The following RGS8 variants were observed in gnomAD, a reference collection of about 807,000 sequenced individuals.
The protein encoded by RGS8 is regulator of G protein signaling 8, also known as regulator of G-protein signaling 8.
A neutral mutation model predicts 21.7 loss-of-function variants in RGS8; 8 were observed. That is an observed-to-expected ratio of 0.37 (90% CI 0.22 to 0.66). The LOEUF is 0.66. Ranked by LOEUF, RGS8 falls within the 30% of genes least tolerant of loss-of-function variation. RGS8 has a pLI of 0.59. For missense variants in RGS8, 157 were observed against 217.9 expected, an observed-to-expected ratio of 0.72 and a Z score of 1.76; for synonymous variants, 80 against 83.6, an observed-to-expected ratio of 0.96 and a Z score of 0.24.
chr1:182,646,994 T>C, intron 6 of RGS8, 77 bp from the exon 8 acceptor site: 1 of 1,193,026 alleles, frequency 8.4e-7, no homozygotes, highest in Non-Finnish European at 1.2e-6. Context: ...AACTATGCAA[T>C]AATTATGAAT....
chr1:182,734,571 A>G, the RGS8 span: 1 of 152,192 alleles, frequency 6.6e-6, no homozygotes, highest in Non-Finnish European at 1.5e-5. Context: ...TGATCCCAAT[A>G]CTTTTTCATG....
At chr1:182,694,669 G>A in the RGS8 span, among the ~76,000 whole-genome samples, 2 of 151,990 alleles carry the variant, frequency 1.3e-5, no homozygotes, top group Non-Finnish European at 2.9e-5. Context: ...TTAGCCAGAT[G>A]TGGTGGCACA....
the RGS8 span, among the ~76,000 whole-genome samples, chr1:182,744,117 A>G: frequency 6.6e-6 from 1 of 152,198 alleles, no homozygotes; most frequent in Non-Finnish European, 1.5e-5. Flanking sequence ...AATATAATTC[A>G]TATACCATAC....
chr1:182,683,014 T>C (rs982538011), intron 1 of RGS8, among the ~76,000 whole-genome samples: 4 of 152,214 alleles, frequency 2.6e-5, no homozygotes, highest in African/African-American at 9.6e-5. Context: ...AGATCCCTTT[T>C]TGTGTTAGAC....
At chr1:182,748,380 C>T in the RGS8 span, among the ~76,000 whole-genome samples, 1 of 152,158 alleles carries the variant, frequency 6.6e-6, no homozygotes, top group Non-Finnish European at 1.5e-5. Flanking sequence ...CTTTCTGTGC[C>T]CAGCTTATTG....
upstream of RGS8, among the ~76,000 whole-genome samples, chr1:182,685,302 G>A (rs893819706): frequency 2.0e-5 from 3 of 152,198 alleles, no homozygotes; most frequent in Non-Finnish European, 4.4e-5. Flanking sequence ...GGTCCATTTG[G>A]AGAGTCAGGA....
chr1:182,704,788 G>A, the RGS8 span, among the ~76,000 whole-genome samples: 1,284 of 152,270 alleles, frequency 8.4e-3, 20 homozygotes, highest in African/African-American at 0.03. Context: ...GTGGCCTTAT[G>A]CTAGGGATGA....
At chr1:182,703,280 C>A in the RGS8 span, among the ~76,000 whole-genome samples, 55 of 152,228 alleles carry the variant, frequency 3.6e-4, no homozygotes, top group Middle Eastern at 6.8e-3. Context: ...AGCTGCAAAC[C>A]AGAACCTTCC....
chr1:182,741,905 G>T, the RGS8 span, among the ~76,000 whole-genome samples: 4 of 121,240 alleles, frequency 3.3e-5, no homozygotes, highest in East Asian at 2.6e-4. Context: ...CCCTCCCGGA[G>T]GAGGTGGCTG....
At chr1:182,709,076 T>C in the RGS8 span, among the ~76,000 whole-genome samples, 1 of 152,232 alleles carries the variant, frequency 6.6e-6, no homozygotes, top group African/African-American at 2.4e-5. Flanking sequence ...TTCCTTTTCC[T>C]GGCTTTCTTT....
chr1:182,669,024 G>A (rs1276064979), intron 3 of RGS8, among the ~76,000 whole-genome samples: 3 of 152,172 alleles, frequency 2.0e-5, no homozygotes, highest in Non-Finnish European at 4.4e-5. Context: ...ACAAATCCAC[G>A]CAAGCCATTT....
chr1:182,723,264 A>G, the RGS8 span, among the ~76,000 whole-genome samples: 1 of 152,186 alleles, frequency 6.6e-6, no homozygotes, highest in Non-Finnish European at 1.5e-5. Flanking sequence ...TCTGGCTCAG[A>G]GTCTCCCAAA....
At chr1:182,709,062 G>A in the RGS8 span, among the ~76,000 whole-genome samples, 1 of 101,430 alleles carries the variant, frequency 9.9e-6, no homozygotes, top group East Asian at 2.7e-4. Flanking sequence ...GGTTTTAGTG[G>A]TTCTTCCTTT....
the RGS8 span, among the ~76,000 whole-genome samples, chr1:182,717,789 C>G: frequency 6.6e-6 from 1 of 152,322 alleles, no homozygotes; most frequent in Non-Finnish European, 1.5e-5. Flanking sequence ...GTCCTGGTCA[C>G]TGGTATGTCC....
chr1:182,693,037 C>A, the RGS8 span, among the ~76,000 whole-genome samples: 1 of 152,174 alleles, frequency 6.6e-6, no homozygotes, highest in South Asian at 2.1e-4. Context: ...TGGAGAAAAT[C>A]TAGGAAATAT....
At chr1:182,661,865 A>C (rs2102427599) in intron 5 of RGS8, among the ~76,000 whole-genome samples, 1 of 151,950 alleles carries the variant, frequency 6.6e-6, no homozygotes, top group South Asian at 2.1e-4. Flanking sequence ...GCCAGACTAC[A>C]TGCACAACTC....
chr1:182,659,604 C>A (rs1455474018), intron 5 of RGS8, among the ~76,000 whole-genome samples: 3 of 152,072 alleles, frequency 2.0e-5, no homozygotes, highest in African/African-American at 7.2e-5. Context: ...GAGGCTGAGG[C>A]AGGAGAATCG....
the RGS8 span, among the ~76,000 whole-genome samples, chr1:182,752,184 A>T: frequency 1.4e-3 from 215 of 152,322 alleles, no homozygotes; most frequent in African/African-American, 5.0e-3. Context: ...CTTCCAAGCC[A>T]TCCCACCTCC....
At chr1:182,674,884 C>T (rs1031755708), upstream of RGS8, among the ~76,000 whole-genome samples, 1 of 152,282 alleles carries the variant, frequency 6.6e-6, no homozygotes, top group East Asian at 1.9e-4. Flanking sequence ...ATTGCAAGCC[C>T]TGCTCCTGCC....
Sources: allele counts gnomAD v4.1 joint callset (sites outside exome capture counted in the v4.1 genomes callset), GRCh38; gene constraint gnomAD v4.1.1; transcripts MANE v1.5; gene names NCBI Gene and HGNC (gene_info 2026-07-23, HGNC 2026-07-21).